The following BRF1 variants were observed in gnomAD, a reference collection of about 807,000 sequenced individuals.
BRF1 encodes BRF1 general transcription factor IIIB subunit, also known as transcription factor IIIB 90 kDa subunit.
A neutral mutation model predicts 81.7 loss-of-function variants in BRF1; 59 were observed. That is an observed-to-expected ratio of 0.72 (90% CI 0.59 to 0.90). The LOEUF (loss-of-function observed/expected upper bound fraction) is 0.90, where lower values mean the gene tolerates loss of function less well. BRF1 is among the 40% of genes least tolerant of loss of function. The probability of loss-of-function intolerance (pLI) is 0.00; values close to 1 mark genes in which losing one functional copy is unlikely to be tolerated. For missense variants in BRF1, 1,050 were observed against 936.3 expected (o/e 1.12, Z -1.58); for synonymous variants, 491 against 395.6 (o/e 1.24, Z -2.86).
At chr14:105,311,109 T>C (rs2058340546) in intron 1 of BRF1, among the ~76,000 whole-genome samples, 2 of 152,034 alleles carry the variant, frequency 1.3e-5, no homozygotes, top group Admixed American at 1.3e-4. Context: ...CGCACCATCA[T>C]GCCCCACTAA....
intron 3 of BRF1, among the ~76,000 whole-genome samples, chr14:105,267,308 C>CTT (rs769487018): frequency 4.8e-5 from 7 of 145,536 alleles, no homozygotes; most frequent in African/African-American, 1.2e-4. Context: ...GAAATGGCAA[C>CTT]TTTTTTTTTT....
chr14:105,215,227 C>G (rs1409691310), intron 15 of BRF1, among the ~76,000 whole-genome samples: 1 of 151,266 alleles, frequency 6.6e-6, no homozygotes. Context: ...CACACACGCC[C>G]CACGCACACA....
At chr14:105,221,267 T>G (rs1297332272) in intron 11 of BRF1, among the ~76,000 whole-genome samples, 1 of 152,152 alleles carries the variant, frequency 6.6e-6, no homozygotes, top group Non-Finnish European at 1.5e-5. Flanking sequence ...GCCTCGTCAT[T>G]GCCACGCCCA....
intron 5 of BRF1, chr14:105,249,292 CGTCCGCCGTGTG>C: frequency 6.4e-7 from 1 of 1,571,642 alleles, no homozygotes; most frequent in Non-Finnish European, 8.6e-7. Context: ...CCGTCCGCCC[CGTCCGCCGTGTG>C]GCTGACACGC....
At position 105,241,346 on chromosome 14, in the gene BRF1, T is replaced by C. The variant is rs776894824; in HGVS notation, c.613A>G (p.Met205Val). 3.7e-6 allele frequency: 6 copies of C among 1,612,684 alleles called. No individual in the cohort carries two copies. Among genetic ancestry groups the C allele is most frequent in the Non-Finnish European group, 4.2e-6 (5 of 1,179,942 alleles). Reference protein sequence around the residue: ...EFGEKNHEVSMTALRLLQRMK... With the variant: ...EFGEKNHEVSVTALRLLQRMK... ...CTCTGTAGGAGCCTCAGGGCAGTCATGGACACCTCGTGGTTCTTCTCCCCG... is the reference window on the plus strand; with the variant it reads ...CTCTGTAGGAGCCTCAGGGCAGTCACGGACACCTCGTGGTTCTTCTCCCCG... Residue 205 changes from methionine (M) to valine (V), a missense_variant, in exon 6 of 18, where the codon ATG becomes GTG. This residue lies in a region of BRF1 where 1,043 missense variants were observed against 915.4 expected (regional missense o/e 1.14). Transcript: ENST00000547530.
At chr14:105,213,283 T>C (rs1159261628) in intron 15 of BRF1, 1 of 152,108 alleles carries the variant, frequency 6.6e-6, no homozygotes, top group Non-Finnish European at 1.5e-5. Flanking sequence ...GGCCTGGCAG[T>C]TGGGTGGGAG....
rs752368783 is a variant in BRF1 at position 105,272,851 on chromosome 14, G to A, written c.309C>T (p.Asn103=). The A allele has an allele frequency of 2.5e-6, 4 of 1,613,804 alleles. No individual in the cohort carries two copies. In the South Asian group the frequency reaches 3.3e-5, roughly 13 times the overall value. The change falls in exon 3 of 18, where the codon AAC becomes AAT. Residue 103 remains asparagine, a synonymous_variant. Transcript: ENST00000547530. The stretch of plus-strand genomic sequence containing the variant: ...TGAAGGCGGTGTCCAGGCAGTGCTG[G>A]TTCAGCTGCAGCTGGTTCCCCAGGT... The part of the protein sequence containing the change: ...IHHLGNQLQL[N]QHCLDTAFNF...
At chr14:105,220,273 G>C (rs1406353425) in intron 11 of BRF1, 143 bp from the exon 12 acceptor site, 5 of 791,804 alleles carry the variant, frequency 6.3e-6, no homozygotes, top group Non-Finnish European at 6.2e-6. Flanking sequence ...GGTGGGTCGC[G>C]CCCTGTCTGC....
At chr14:105,215,927 C>A (rs910003636) in intron 15 of BRF1, among the ~76,000 whole-genome samples, 9 of 150,220 alleles carry the variant, frequency 6.0e-5, no homozygotes, top group Admixed American at 2.7e-4. Flanking sequence ...CAGACAGGCA[C>A]ACACACACTG....
Position 105,209,458 on chromosome 14 carries a change from G to A in BRF1, c.*1093C>T. On this transcript the variant is annotated 3_prime_UTR_variant, in exon 18 of 18. Coordinates refer to ENST00000547530, the MANE Select transcript of BRF1 (RefSeq NM_001519.4). ...GACATACAGCCCATTCCATGGGGAG[G>A]ATGAGGCCCCTGGGGGTCAGTGAGG... The A allele has an allele frequency of 1.4e-6, 1 of 697,858 alleles. No individual in the cohort carries two copies. The highest frequency in any genetic ancestry group is 1.5e-5 in the South Asian group (1 of 66,872). 43.2% of individuals were successfully genotyped at this position (697,858 alleles called of 1,614,324 possible).
intron 5 of BRF1, chr14:105,248,883 C>T (rs1173285837): frequency 1.0e-6 from 1 of 988,376 alleles, no homozygotes; most frequent in Non-Finnish European, 1.2e-6. Flanking sequence ...GGCGGCGGAA[C>T]TCTACGCTCC....
rs188750343 is a variant in BRF1 at position 105,269,384 on chromosome 14, T to G, written c.439+3337A>C. Among the ~76,000 whole-genome samples, 5 of 152,272 alleles carry G rather than the reference T, an allele frequency of 3.3e-5. No homozygotes were observed. The highest frequency in any genetic ancestry group is 1.2e-4 in the African/African-American group (5 of 41,558). ...AGCACAGTCCTGTTCCAAGCTGTCT[T>G]GTCCTTAGCAGCTTTATAAGGTACA... On this transcript the variant is annotated intron_variant, in intron 3 of 17. Transcript: ENST00000547530. The surrounding 1 kb of genome is among the most constrained non-coding windows in gnomAD (Gnocchi z 5.0).
intron 5 of BRF1, chr14:105,248,882 A>T: frequency 1.0e-6 from 1 of 985,136 alleles, no homozygotes. Flanking sequence ...TGGCGGCGGA[A>T]CTCTACGCTC....
chr14:105,248,763 T>G (rs2055343124), intron 5 of BRF1: 1 of 980,636 alleles, frequency 1.0e-6, no homozygotes, highest in East Asian at 1.1e-4. Context: ...GTGCCTGACC[T>G]CCTTGCTTTT....
chr14:105,259,042 G>C (rs587761823), intron 3 of BRF1, among the ~76,000 whole-genome samples: 3 of 152,210 alleles, frequency 2.0e-5, no homozygotes, highest in Non-Finnish European at 2.9e-5. Context: ...TGATGGAAGC[G>C]TGAAGTGGTA....
chr14:105,263,962 TG>T (rs1434530047), intron 3 of BRF1, among the ~76,000 whole-genome samples: 1 of 150,302 alleles, frequency 6.7e-6, no homozygotes. Flanking sequence ...TCCCTCTGGA[TG>T]GAAAAGTATC....
rs376390782 is a variant in BRF1, at chr14:105,210,154, C to G, written c.*397G>C. On this transcript the variant is annotated 3_prime_UTR_variant, in exon 18 of 18. Transcript: ENST00000547530. This position sits in a 1 kb window ranked among gnomAD's most constrained non-coding sequence, Gnocchi z 4.7. ...GGAGGGTGGGCTGGAGACTCCAGAGCTGGTCCTGAGTCACAGGGCCAGCAC... is the reference window on the plus strand; with the variant it reads ...GGAGGGTGGGCTGGAGACTCCAGAGGTGGTCCTGAGTCACAGGGCCAGCAC... The G allele has an allele frequency of 7.1e-6, 2 of 281,120 alleles. No individual in the cohort carries two copies. Among genetic ancestry groups the G allele is most frequent in the African/African-American group, 4.5e-5 (2 of 44,928 alleles). The allele number at this position is 281,120 out of a possible 1,614,324, so 17.4% of individuals were successfully genotyped here.
intron 4 of BRF1, among the ~76,000 whole-genome samples, chr14:105,253,405 C>A (rs762447546): frequency 5.9e-5 from 9 of 152,190 alleles, no homozygotes; most frequent in Non-Finnish European, 8.8e-5. Context: ...GCCCCTGGGG[C>A]CCCCGGGCCT....
chr14:105,257,971 A>C lies in BRF1; in HGVS notation c.440-1422T>G, dbSNP rs587724820. ...CCGCACTGGTGGGTTCACATATTGC[A>C]TATTTGTGAAAACCCATAGAAGGCA... On this transcript the variant is annotated intron_variant, in intron 3 of 17. Coordinates refer to ENST00000547530, the MANE Select transcript of BRF1 (RefSeq NM_001519.4). Among the ~76,000 whole-genome samples, 7 of 152,332 alleles carry C rather than the reference A, an allele frequency of 4.6e-5. No individual in the cohort carries two copies. The South Asian group carries it at 6.2e-4, about 14-fold the overall frequency.
Sources: allele counts gnomAD v4.1 joint callset (sites outside exome capture counted in the v4.1 genomes callset), GRCh38; gene constraint gnomAD v4.1.1; regional missense constraint gnomAD v4.1.1; non-coding constraint Gnocchi (gnomAD v3.1); transcripts MANE v1.5; gene names NCBI Gene and HGNC (gene_info 2026-07-23, HGNC 2026-07-21).